Variants in ADAMTS18 observed in about 807,000 individuals in gnomAD.
ADAMTS18 encodes the protein ADAM metallopeptidase with thrombospondin type 1 motif 18, also known as A disintegrin and metalloproteinase with thrombospondin motifs 18.
A neutral mutation model predicts 165.9 loss-of-function variants in ADAMTS18; 157 were observed. That is an observed-to-expected ratio of 0.95 (90% confidence interval 0.83 to 1.08). ADAMTS18 has a LOEUF of 1.08. ADAMTS18 is among the 50% of genes least tolerant of loss of function. ADAMTS18 has a pLI of 0.00. For missense variants in ADAMTS18, 2,040 were observed against 1,534.0 expected (o/e 1.33, Z -5.51); for synonymous variants, 782 against 578.2 (o/e 1.35, Z -5.06).
At chr16:77,334,681 G>GTA (rs575424017) in intron 12 of ADAMTS18, among the ~76,000 whole-genome samples, 74 of 106,282 alleles carry the variant, frequency 7.0e-4, no homozygotes, top group African/African-American at 1.7e-3. Context: ...ATATACTATA[G>GTA]TATATATATA....
chr16:77,283,043 G>T lies in ADAMTS18; in HGVS notation c.*913C>A, dbSNP rs1321816124. 4 of 151,640 alleles carry T rather than the reference G, an allele frequency of 2.6e-5. No individual in the cohort carries two copies. The highest frequency in any genetic ancestry group is 9.7e-5 in the African/African-American group (4 of 41,284). 9.4% of individuals were successfully genotyped at this position (151,640 alleles called of 1,614,324 possible). A position where few individuals can be genotyped will look rare whatever the true frequency, so the allele number is the denominator to read the frequency against. ...TATGTACAGAGCATTATAAATGATG[G>T]TCCTTTCTCCCTCAAAACACTGCTG... is the stretch of plus-strand genomic sequence containing the variant. On this transcript the variant is annotated 3_prime_UTR_variant, in exon 23 of 23. Coordinates refer to ENST00000282849, the MANE Select transcript of ADAMTS18 (RefSeq NM_199355.4).
chr16:77,300,420 TA>T lies in ADAMTS18; in HGVS notation c.2533-17del. On this transcript the variant is annotated splice_polypyrimidine_tract_variant and intron_variant, in intron 16 of 22. Coordinates refer to ENST00000282849, the MANE Select transcript of ADAMTS18 (RefSeq NM_199355.4). ...GCATCAGAATCTGGACAGTGTAAGA[TA>T]AAAATCAGAGATCAAGATACAGGTC... The T allele has an allele frequency of 6.2e-7, 1 of 1,613,904 alleles. No individual in the cohort carries two copies. Among genetic ancestry groups the T allele is most frequent in the Non-Finnish European group, 8.5e-7 (1 of 1,179,864 alleles).
intron 3 of ADAMTS18, among the ~76,000 whole-genome samples, chr16:77,422,798 C>G (rs1052961649): frequency 6.6e-6 from 1 of 152,150 alleles, no homozygotes. Flanking sequence ...AGAACAATCT[C>G]TACATTTTGA....
intron 10 of ADAMTS18, among the ~76,000 whole-genome samples, chr16:77,346,898 A>G (rs1349414348): frequency 6.6e-6 from 1 of 152,196 alleles, no homozygotes; most frequent in Non-Finnish European, 1.5e-5. Context: ...ACACCACTAT[A>G]AACACCACCA....
chr16:77,384,729 G>A (rs963600717), intron 3 of ADAMTS18, among the ~76,000 whole-genome samples: 1 of 152,080 alleles, frequency 6.6e-6, no homozygotes, highest in Non-Finnish European at 1.5e-5. Context: ...TGTGAAATAT[G>A]ACAAAAATTT....
At chr16:77,311,748 C>T (rs1160816132) in intron 16 of ADAMTS18, among the ~76,000 whole-genome samples, 1 of 144,044 alleles carries the variant, frequency 6.9e-6, no homozygotes, top group Non-Finnish European at 1.5e-5. Context: ...TTGAATGAAA[C>T]CATAACTCCT....
chr16:77,282,255 GAAGC>G lies in ADAMTS18; in HGVS notation c.*1697_*1700del, dbSNP rs1461087362. On this transcript the variant is annotated 3_prime_UTR_variant, in exon 23 of 23. Coordinates refer to ENST00000282849, the MANE Select transcript of ADAMTS18 (RefSeq NM_199355.4). ...ATTTTATCTCAAAATATTACTTAGA[GAAGC>G]AAGTGAGAACACATAATAGGCTATT... The G allele has an allele frequency of 6.6e-6, 1 of 151,872 alleles. No individual in the cohort carries two copies. The highest frequency in any genetic ancestry group is 1.5e-5 in the Non-Finnish European group (1 of 67,970). 9.4% of individuals were successfully genotyped at this position (151,872 alleles called of 1,614,324 possible). A position where few individuals can be genotyped will look rare whatever the true frequency, so the allele number is the denominator to read the frequency against.
In ADAMTS18 at chr16:77,282,558, G is replaced by C. The variant is rs955560322; in HGVS notation, c.*1398C>G. On this transcript the variant is annotated 3_prime_UTR_variant, in exon 23 of 23. Transcript: ENST00000282849. ...CTGTCTAGTTGATTATGCTGAGCTG[G>C]CTAATCCAGCTTGAATTGAGACTTT... 2.0e-5 allele frequency: 3 copies of C among 152,554 alleles called. No homozygotes were observed. Among genetic ancestry groups the C allele is most frequent in the African/African-American group, 7.2e-5 (3 of 41,418 alleles). The allele number at this position is 152,554 out of a possible 1,614,324, so 9.5% of individuals were successfully genotyped here.
intron 10 of ADAMTS18, among the ~76,000 whole-genome samples, chr16:77,345,999 T>C (rs1253457493): frequency 2.0e-5 from 3 of 152,238 alleles, no homozygotes; most frequent in African/African-American, 4.8e-5. Flanking sequence ...CACTCTGGTT[T>C]AGCCACACTG....
chr16:77,397,217 G>A (rs1337320367), intron 3 of ADAMTS18, among the ~76,000 whole-genome samples: 2 of 152,102 alleles, frequency 1.3e-5, no homozygotes, highest in African/African-American at 4.8e-5. Context: ...TGGGAAAGAA[G>A]AAAAATCAAC....
intron 4 of ADAMTS18, among the ~76,000 whole-genome samples, chr16:77,364,962 C>A (rs912526525): frequency 1.3e-5 from 2 of 151,994 alleles, no homozygotes; most frequent in African/African-American, 4.8e-5. Flanking sequence ...AAAAATTAGT[C>A]ATGCATGGTG....
At chr16:77,333,983 C>T (rs1597134905) in intron 12 of ADAMTS18, among the ~76,000 whole-genome samples, 1 of 139,116 alleles carries the variant, frequency 7.2e-6, no homozygotes, top group East Asian at 2.0e-4. Flanking sequence ...GTCATATATG[C>T]TATATATAAT....
chr16:77,356,534 G>T (rs1295073692), intron 8 of ADAMTS18, among the ~76,000 whole-genome samples: 1 of 152,098 alleles, frequency 6.6e-6, no homozygotes, highest in South Asian at 2.1e-4. Context: ...TCATATATAA[G>T]GCTAGCATGG....
chr16:77,427,614 G>T (rs1444946137), intron 3 of ADAMTS18, among the ~76,000 whole-genome samples: 1 of 152,274 alleles, frequency 6.6e-6, no homozygotes, highest in East Asian at 1.9e-4. Flanking sequence ...AAACAGGGGT[G>T]AGCTTTTCTA....
rs564955745 is a variant in ADAMTS18, at chr16:77,323,573, A to T, written c.2033-1107T>A. ...AGAAAGTTCCTTTTTTTTTTTTTTT[A>T]AAAGCACAGATTCCTGGGTGAGTTT... On this transcript the variant is annotated intron_variant, in intron 13 of 22. Transcript: ENST00000282849. Among the ~76,000 whole-genome samples, 221 of 148,234 alleles carry T rather than the reference A, an allele frequency of 1.5e-3. 2 individuals are homozygous for T. Among genetic ancestry groups the T allele is most frequent in the African/African-American group, 4.5e-3 (181 of 40,308 alleles).
chr16:77,322,049 G>A (rs1297025442), intron 14 of ADAMTS18, among the ~76,000 whole-genome samples: 1 of 150,820 alleles, frequency 6.6e-6, no homozygotes, highest in Non-Finnish European at 1.5e-5. Flanking sequence ...CAGCTACTCA[G>A]GAGGCTGAGG....
At chr16:77,428,021 T>A (rs1218558739) in intron 3 of ADAMTS18, among the ~76,000 whole-genome samples, 1 of 152,230 alleles carries the variant, frequency 6.6e-6, no homozygotes, top group South Asian at 2.1e-4. Flanking sequence ...CTATTAGTAC[T>A]TTGTCAAATC....
chr16:77,421,840 C>CA (rs892881864), intron 3 of ADAMTS18, among the ~76,000 whole-genome samples: 6 of 151,604 alleles, frequency 4.0e-5, no homozygotes, highest in African/African-American at 2.4e-5. Flanking sequence ...AGCAGCATCA[C>CA]AAAAAAATCC....
At chr16:77,377,281 T>C (rs2056967386) in intron 3 of ADAMTS18, among the ~76,000 whole-genome samples, 1 of 152,246 alleles carries the variant, frequency 6.6e-6, no homozygotes, top group Non-Finnish European at 1.5e-5. Context: ...CAGATGTAAC[T>C]GACAAATTCA....
Sources: gnomAD v4.1 joint callset for allele counts (sites outside exome capture counted in the v4.1 genomes callset) on GRCh38, gnomAD v4.1.1 for gene constraint, MANE v1.5 for transcripts, NCBI Gene and HGNC (gene_info 2026-07-23, HGNC 2026-07-21) for gene names.